The following PRKCZ variants were observed in gnomAD, a reference collection of about 807,000 sequenced individuals.
The protein encoded by PRKCZ is protein kinase C zeta.
A neutral mutation model predicts 79.5 loss-of-function variants in PRKCZ; 33 were observed. The ratio of observed to expected loss-of-function variants is 0.41; its 90% CI spans 0.31 to 0.55. PRKCZ has a LOEUF of 0.55. PRKCZ is among the 20% of genes least tolerant of loss of function. The probability of loss-of-function intolerance (pLI) is 0.19; values close to 1 mark genes in which losing one functional copy is unlikely to be tolerated. For synonymous variants in PRKCZ, 342 were observed against 320.9 expected (o/e 1.07, Z -0.70); for missense variants, 578 against 813.5 (o/e 0.71, Z 3.52).
intron 9 of PRKCZ, among the ~76,000 whole-genome samples, chr1:2,153,233 C>A (rs1485449447): frequency 6.6e-6 from 1 of 152,260 alleles, no homozygotes; most frequent in Non-Finnish European, 1.5e-5. Context: ...ATCTTTCATG[C>A]ACCTGTTGGC....
At chr1:2,097,189 G>C (rs1219483057) in intron 4 of PRKCZ, among the ~76,000 whole-genome samples, 1 of 152,232 alleles carries the variant, frequency 6.6e-6, no homozygotes, top group African/African-American at 2.4e-5. Flanking sequence ...TTAGGACCAG[G>C]GCTGACCACA....
At chr1:2,146,461 T>G (rs539511014) in intron 7 of PRKCZ, among the ~76,000 whole-genome samples, 1 of 152,334 alleles carries the variant, frequency 6.6e-6, no homozygotes, top group South Asian at 2.1e-4. Flanking sequence ...CCTCCCACAA[T>G]CTGGCTGCTG....
At chr1:2,093,618 G>A (rs1665903750) in intron 4 of PRKCZ, among the ~76,000 whole-genome samples, 1 of 152,138 alleles carries the variant, frequency 6.6e-6, no homozygotes, top group Admixed American at 6.5e-5. Flanking sequence ...TCAAAGGTGA[G>A]GGTGTCCGGG....
At chr1:2,148,842 AC>A in intron 7 of PRKCZ, 29 bp from the exon 8 acceptor site, 1 of 1,611,596 alleles carries the variant, frequency 6.2e-7, no homozygotes, top group African/African-American at 1.3e-5. Context: ...CCACACCGTA[AC>A]GCCCCTTCCT....
Position 2,149,050 on chromosome 1 carries a change from T to C in PRKCZ, c.687+126T>C, listed in dbSNP as rs1679312558. On this transcript the variant is annotated intron_variant, in intron 8 of 17. Coordinates refer to ENST00000378567, the MANE Select transcript of PRKCZ (RefSeq NM_002744.6). The surrounding 1 kb of genome is among the most constrained non-coding windows in gnomAD (Gnocchi z 4.1). ...TGGTCCGGGGTGTTGCTAACTAATC[T>C]TCACGGGTGTGGATGTCTAGAAGGA... 1 of 1,020,552 alleles carries C rather than the reference T, an allele frequency of 9.8e-7. No individual in the cohort carries two copies. The highest frequency in any genetic ancestry group is 1.6e-5 in the African/African-American group (1 of 62,614). The allele number at this position is 1,020,552 out of a possible 1,614,324, so 63.2% of individuals were successfully genotyped here.
intron 10 of PRKCZ, chr1:2,156,694 G>C (rs1681121389): frequency 6.6e-6 from 1 of 152,386 alleles, no homozygotes; most frequent in African/African-American, 2.4e-5. Flanking sequence ...AAGGAGACTT[G>C]GCCAAGGAAA....
intron 10 of PRKCZ, among the ~76,000 whole-genome samples, chr1:2,166,850 C>T (rs1476413863): frequency 2.0e-5 from 3 of 152,236 alleles, no homozygotes; most frequent in African/African-American, 7.2e-5. Context: ...CCTTGCGCCC[C>T]TGCCTGAGAG....
At chr1:2,115,767 G>A (rs1337930181) in intron 4 of PRKCZ, among the ~76,000 whole-genome samples, 1 of 152,234 alleles carries the variant, frequency 6.6e-6, no homozygotes, top group East Asian at 1.9e-4. Context: ...ACACGGAGGA[G>A]CTGCACGGGA....
rs2102953435 is a variant in PRKCZ at position 2,127,380 on chromosome 1, G to A, written c.335-7882G>A. On this transcript the variant is annotated intron_variant, in intron 4 of 17. Transcript: ENST00000378567. This position sits in a 1 kb window ranked among gnomAD's most constrained non-coding sequence, Gnocchi z 5.1. The stretch of plus-strand genomic sequence containing the variant: ...CCGGGCAGGTCCCTCAGATGGAGGG[G>A]CTGCACCTCCACTGCCCCCCCCACC... 6.6e-6 allele frequency among the ~76,000 whole-genome samples: 1 copy of A among 152,194 alleles called. No homozygotes were observed. Among genetic ancestry groups the A allele is most frequent in the African/African-American group, 2.4e-5 (1 of 41,492 alleles).
intron 4 of PRKCZ, among the ~76,000 whole-genome samples, chr1:2,100,335 C>G (rs570471822): frequency 3.2e-4 from 49 of 152,398 alleles, no homozygotes; most frequent in African/African-American, 1.1e-3. Context: ...CCTGGCTAAG[C>G]GGATGGCACA....
chr1:2,133,303 C>T (rs1675370630), intron 4 of PRKCZ, among the ~76,000 whole-genome samples: 1 of 151,540 alleles, frequency 6.6e-6, no homozygotes, highest in African/African-American at 2.4e-5. Flanking sequence ...TGCGGCTCCG[C>T]CCGCAGCTGC....
chr1:2,164,284 G>A (rs1682903240), intron 10 of PRKCZ, among the ~76,000 whole-genome samples: 1 of 143,444 alleles, frequency 7.0e-6, no homozygotes, highest in South Asian at 2.2e-4. Context: ...AGGCCAGGGA[G>A]CGTAAAGAGA....
chr1:2,096,027 GC>G (rs1666449407), intron 4 of PRKCZ, among the ~76,000 whole-genome samples: 1 of 151,114 alleles, frequency 6.6e-6, no homozygotes, highest in Non-Finnish European at 1.5e-5. Context: ...GGGTGTGGGG[GC>G]CGGGCCTGTC....
intron 4 of PRKCZ, among the ~76,000 whole-genome samples, chr1:2,070,501 C>T (rs1661478728): frequency 6.6e-6 from 1 of 152,182 alleles, no homozygotes; most frequent in Admixed American, 6.5e-5. Context: ...AACCCAGCTC[C>T]AAGGCCATTT....
chr1:2,122,831 CGGTGGTTAGGGTTGT>C (rs1557619754), intron 4 of PRKCZ, among the ~76,000 whole-genome samples: 1 of 3,378 alleles, frequency 3.0e-4, no homozygotes, highest in Non-Finnish European at 5.7e-4. Context: ...AGGGTCGTGG[CGGTGGTTAGGGTTGT>C]GGTGGTTAGG....
rs897578933 is a variant in PRKCZ, at chr1:2,174,423, G to A, written c.1406-331G>A. ...TCCTGGTCTGGAATTCAGTGCTGTG[G>A]GGATGTGGGATCTGGGAACGCGGCT... On this transcript the variant is annotated intron_variant, in intron 14 of 17. Coordinates refer to ENST00000378567, the MANE Select transcript of PRKCZ (RefSeq NM_002744.6). The surrounding 1 kb of genome is among the most constrained non-coding windows in gnomAD (Gnocchi z 6.2). Among the ~76,000 whole-genome samples, 9 of 152,222 alleles carry A rather than the reference G, an allele frequency of 5.9e-5. No homozygotes were observed. The highest frequency in any genetic ancestry group is 2.2e-4 in the African/African-American group (9 of 41,464).
intron 9 of PRKCZ, among the ~76,000 whole-genome samples, chr1:2,151,693 A>C (rs1679937070): frequency 6.6e-6 from 1 of 151,868 alleles, no homozygotes; most frequent in Non-Finnish European, 1.5e-5. Flanking sequence ...AAACGGTCTT[A>C]CTCTGTCACC....
chr1:2,113,849 G>A (rs1292876596), intron 4 of PRKCZ, among the ~76,000 whole-genome samples: 3 of 152,134 alleles, frequency 2.0e-5, no homozygotes, highest in African/African-American at 7.2e-5. Flanking sequence ...CAAGGCACTG[G>A]TGTTGGGGCA....
chr1:2,151,098 T>C, intron 9 of PRKCZ, 120 bp downstream of exon 9: 1 of 1,246,682 alleles, frequency 8.0e-7, no homozygotes. Context: ...ACGGAGTTTG[T>C]GCAAAATCAA....
Sources: gnomAD v4.1 joint callset for allele counts (sites outside exome capture counted in the v4.1 genomes callset) on GRCh38, gnomAD v4.1.1 for gene constraint, Gnocchi (gnomAD v3.1) non-coding constraint, MANE v1.5 for transcripts, NCBI Gene and HGNC (gene_info 2026-07-23, HGNC 2026-07-21) for gene names.